Variants in CTSV observed in about 807,000 individuals in gnomAD.
CTSV encodes the protein cathepsin L2.
In CTSV, 33 loss-of-function variants were observed where a neutral mutation model predicts 35.6. That is an observed-to-expected ratio of 0.93 (90% CI 0.70 to 1.24). CTSV has a LOEUF of 1.24. Ranked by LOEUF, CTSV falls within the 50% of genes most tolerant of loss-of-function variation. CTSV has a pLI of 0.00. For synonymous variants in CTSV, 154 were observed against 147.1 expected, an observed-to-expected ratio of 1.05 and a Z score of -0.34; for missense variants, 408 against 413.1, an observed-to-expected ratio of 0.99 and a Z score of 0.11.
chr9:97,033,453 TAA>T (rs34754643), intron 7 of CTSV, among the ~76,000 whole-genome samples: 1,211 of 118,086 alleles, frequency 0.01, 19 homozygotes, highest in African/African-American at 0.022. Context: ...TCTACTAAAT[TAA>T]AAAAAAAAAA....
Position 97,036,592 on chromosome 9 carries a change from A to T in CTSV, c.552T>A (p.Ala184=), listed in dbSNP as rs1828855546. The change falls in exon 5 of 8, where the codon GCT becomes GCA. Residue 184 remains alanine, a synonymous_variant. Coordinates refer to ENST00000259470, the MANE Select transcript of CTSV (RefSeq NM_001333.4). ...GNQGCNGGFM[A]RAFQYVKENG... ...TCTCCTTGACATACTGGAAGGCCCT[A>T]GCCATGAAGCCACCATTGCAGCCCT... 6.2e-7 allele frequency: 1 copy of T among 1,614,112 alleles called. No homozygotes were observed. The highest frequency in any genetic ancestry group is 8.5e-7 in the Non-Finnish European group (1 of 1,180,012).
At chr9:97,038,839 C>A (rs902702388) in intron 1 of CTSV, among the ~76,000 whole-genome samples, 1 of 152,174 alleles carries the variant, frequency 6.6e-6, no homozygotes, top group East Asian at 1.9e-4. Flanking sequence ...CGGTCCGGTC[C>A]GGCTTCAGCC....
rs1828848351 is a variant in CTSV, at chr9:97,036,284, G to T, written c.621+239C>A. 7.5e-6 allele frequency: 4 copies of T among 530,266 alleles called. No homozygotes were observed. In the East Asian group the frequency reaches 1.4e-4, roughly 18 times the overall value. The allele number at this position is 530,266 out of a possible 1,614,324, so 32.8% of individuals were successfully genotyped here. ...GACGGGGTTTCACTGTGTTAGCCAGGATTGTCTTGATCTCCTGACCTCGTG... is the reference window on the plus strand; with the variant it reads ...GACGGGGTTTCACTGTGTTAGCCAGTATTGTCTTGATCTCCTGACCTCGTG... On this transcript the variant is annotated intron_variant, in intron 5 of 7. Transcript: ENST00000259470.
At chr9:97,036,293 G>T (rs894666358) in intron 5 of CTSV, 3 of 548,472 alleles carry the variant, frequency 5.5e-6, no homozygotes, top group Non-Finnish European at 6.5e-6. Context: ...GGATTGTCTT[G>T]ATCTCCTGAC....
chr9:97,031,357 ATGGATCACC>A lies in CTSV; in HGVS notation c.*1583_*1591del, dbSNP rs1350788181. The stretch of plus-strand genomic sequence containing the variant: ...CCCCTTCCCTCCCATTGCATTCACA[ATGGATCACC>A]TTTCGATTAAATTTCACCAGCTCAT... On this transcript the variant is annotated 3_prime_UTR_variant, in exon 8 of 8. Transcript: ENST00000259470. 3.9e-5 allele frequency: 6 copies of A among 152,304 alleles called. No individual in the cohort carries two copies. The highest frequency in any genetic ancestry group is 1.4e-4 in the African/African-American group (6 of 41,570). 9.4% of individuals were successfully genotyped at this position (152,304 alleles called of 1,614,324 possible).
chr9:97,037,718 A>C, intron 2 of CTSV, 103 bp from the exon 3 acceptor site: 1 of 1,517,258 alleles, frequency 6.6e-7, no homozygotes, highest in Non-Finnish European at 9.0e-7. Flanking sequence ...ATGGCCAGGG[A>C]TGGGTTGATA....
intron 7 of CTSV, among the ~76,000 whole-genome samples, chr9:97,034,435 A>G (rs1828809862): frequency 6.6e-6 from 1 of 152,216 alleles, no homozygotes; most frequent in Admixed American, 6.5e-5. Context: ...ATTAGACAGA[A>G]AAAAGCAATC....
At chr9:97,036,948 T>C (rs1828862999) in intron 4 of CTSV, among the ~76,000 whole-genome samples, 1 of 151,238 alleles carries the variant, frequency 6.6e-6, no homozygotes, top group African/African-American at 2.4e-5. Flanking sequence ...CTACTAAAAA[T>C]ACACAAAAAT....
Position 97,035,690 on chromosome 9 carries a change from C to T in CTSV, c.625G>A (p.Glu209Lys). 6.6e-7 allele frequency: 1 copy of T among 1,510,438 alleles called. No individual in the cohort carries two copies. The highest frequency in any genetic ancestry group is 8.9e-7 in the Non-Finnish European group (1 of 1,122,182). The allele number at this position is 1,510,438 out of a possible 1,614,324, so 93.6% of individuals were successfully genotyped here. A position where few individuals can be genotyped will look rare whatever the true frequency, so the allele number is the denominator to read the frequency against. The change falls in exon 6 of 8, where the codon GAA becomes AAA. Residue 209 changes from glutamate to lysine, a missense_variant. Coordinates refer to ENST00000259470, the MANE Select transcript of CTSV (RefSeq NM_001333.4). ...TTCTCAGGTCTGTACTTACAGATTTCATCCTTTTAAAGTTAAAGGGGGAGA... is the reference window on the plus strand; with the variant it reads ...TTCTCAGGTCTGTACTTACAGATTTTATCCTTTTAAAGTTAAAGGGGGAGA... Reference protein sequence around the residue: ...EESYPYVAVDEICKYRPENSV... With the variant: ...EESYPYVAVDKICKYRPENSV...
intron 5 of CTSV, 81 bp downstream of exon 5, chr9:97,036,442 G>GA (rs1311047680): frequency 2.0e-6 from 2 of 990,828 alleles, no homozygotes; most frequent in Middle Eastern, 2.0e-4. Flanking sequence ...TGTGAATTCT[G>GA]AAAAAAGTAT....
chr9:97,037,092 A>C (rs1172089450), intron 4 of CTSV, among the ~76,000 whole-genome samples, 160 bp downstream of exon 4: 1 of 152,096 alleles, frequency 6.6e-6, no homozygotes, highest in Non-Finnish European at 1.5e-5. Context: ...GGGCAACAAG[A>C]GCTAAACTCC....
At position 97,034,876 on chromosome 9, in the gene CTSV, GC is replaced by G. The variant is rs749956105; in HGVS notation, c.788-34del. ...AGTAAAATTAATGCTGGGGTGAGAAGCTCCAAGCGACATGTGACAGTAACCC... is the reference window on the plus strand; with the variant it reads ...AGTAAAATTAATGCTGGGGTGAGAAGTCCAAGCGACATGTGACAGTAACCC... On this transcript the variant is annotated intron_variant, in intron 6 of 7. Coordinates refer to ENST00000259470, the MANE Select transcript of CTSV (RefSeq NM_001333.4). 4.5e-5 allele frequency: 70 copies of G among 1,554,504 alleles called. 3 individuals carry two copies. Among genetic ancestry groups the G allele is most frequent in the Non-Finnish European group, 4.4e-6 (5 of 1,126,446 alleles).
chr9:97,034,934 T>A, intron 6 of CTSV, 91 bp from the exon 7 acceptor site: 1 of 901,838 alleles, frequency 1.1e-6, no homozygotes, highest in Non-Finnish European at 1.8e-6. Context: ...GAGGCATCTC[T>A]AAATTCAGTA....
chr9:97,037,238 T>C lies in CTSV; in HGVS notation c.396+14A>G, dbSNP rs1756494607. 6.2e-7 allele frequency: 1 copy of C among 1,611,812 alleles called. No homozygotes were observed. The highest frequency in any genetic ancestry group is 1.7e-5 in the Admixed American group (1 of 59,790). On this transcript the variant is annotated intron_variant, in intron 4 of 7. Coordinates refer to ENST00000259470, the MANE Select transcript of CTSV (RefSeq NM_001333.4). Reference sequence around the variant, plus strand: ...TTCCTGTGGAGACAGGGTCTGAATCTGACGCTGTCTCACCTGATTCTTCAC... The same window carrying C: ...TTCCTGTGGAGACAGGGTCTGAATCCGACGCTGTCTCACCTGATTCTTCAC...
At position 97,032,876 on chromosome 9, in the gene CTSV, G is replaced by A. The variant is rs1029136869; in HGVS notation, c.*73C>T. ...AACTGGTTTATCTTACACAATAAGC[G>A]TTTGGTCAGTTTCAAGATAAAATTT... On this transcript the variant is annotated 3_prime_UTR_variant, in exon 8 of 8. Coordinates refer to ENST00000259470, the MANE Select transcript of CTSV (RefSeq NM_001333.4). The A allele has an allele frequency of 2.7e-5, 27 of 1,004,394 alleles. No individual in the cohort carries two copies. The Admixed American group carries it at 3.8e-4, about 14-fold the overall frequency. 62.2% of individuals were successfully genotyped at this position (1,004,394 alleles called of 1,614,324 possible). A position where few individuals can be genotyped will look rare whatever the true frequency, so the allele number is the denominator to read the frequency against.
chr9:97,033,142 A>G (rs1828784003), intron 7 of CTSV, 94 bp from the exon 8 acceptor site: 2 of 768,470 alleles, frequency 2.6e-6, no homozygotes, highest in Admixed American at 2.3e-5. Context: ...AGTGCTTCCC[A>G]TGTGTCAGGC....
intron 2 of CTSV, 142 bp from the exon 3 acceptor site, chr9:97,037,757 G>GACA: frequency 7.2e-7 from 1 of 1,394,426 alleles, no homozygotes; most frequent in Non-Finnish European, 9.9e-7. Context: ...TCCAAGCCAA[G>GACA]ACACAATGGA....
In CTSV at chr9:97,037,953, G is replaced by A; in HGVS notation, c.91C>T (p.Gln31Ter). Residue 31 changes from glutamine (Q) to a stop codon, truncating the protein, a stop_gained, in exon 2 of 8, where the codon CAG becomes TAG. Transcript: ENST00000259470. LOFTEE classifies it high-confidence loss of function. Reference protein sequence around the residue: ...FDQNLDTKWYQWKATHRRLYG... With the variant: ...FDQNLDTKWY The stretch of plus-strand genomic sequence containing the variant: ...AATCTTCTGTGTGTTGCCTTCCACT[G>A]GTACCACTTTGTATCCAAATTTTGG... The A allele has an allele frequency of 6.2e-7, 1 of 1,613,968 alleles. No individual in the cohort carries two copies. The highest frequency in any genetic ancestry group is 1.1e-5 in the South Asian group (1 of 91,064).
At chr9:97,034,200 C>T (rs780018371) in intron 7 of CTSV, among the ~76,000 whole-genome samples, 24 of 152,190 alleles carry the variant, frequency 1.6e-4, no homozygotes, top group Non-Finnish European at 3.1e-4. Flanking sequence ...AGCAGTCTGT[C>T]CCCACATACT....
Sources: gnomAD v4.1 joint callset for allele counts (sites outside exome capture counted in the v4.1 genomes callset) on GRCh38, gnomAD v4.1.1 for gene constraint, MANE v1.5 for transcripts, NCBI Gene and HGNC (gene_info 2026-07-23, HGNC 2026-07-21) for gene names.